CSMD1: variants seen among roughly 807,000 people sequenced by gnomAD.
CSMD1 encodes CUB and Sushi multiple domains 1.
CSMD1 carries 213 observed loss-of-function variants against 417.5 expected under a neutral mutation model. That is an observed-to-expected ratio of 0.51 (90% CI 0.46 to 0.57). The LOEUF (loss-of-function observed/expected upper bound fraction) is 0.57. Ranked by LOEUF, CSMD1 falls within the 20% of genes least tolerant of loss-of-function variation. The probability of loss-of-function intolerance (pLI) is 0.00; values close to 1 mark genes in which losing one functional copy is unlikely to be tolerated. For missense variants in CSMD1, 6,923 were observed against 4,529.7 expected (o/e 1.53, Z -15.17); for synonymous variants, 2,862 against 1,736.8 (o/e 1.65, Z -16.11).
chr8:3,340,009 G>A (rs373098037), intron 23 of CSMD1, among the ~76,000 whole-genome samples: 1 of 152,168 alleles, frequency 6.6e-6, no homozygotes, highest in East Asian at 1.9e-4. Context: ...ATTCAGCAAC[G>A]TATTTATTCC....
At chr8:4,154,530 A>G (rs527351938) in intron 3 of CSMD1, among the ~76,000 whole-genome samples, 1 of 152,332 alleles carries the variant, frequency 6.6e-6, no homozygotes, top group Admixed American at 6.5e-5. Flanking sequence ...GTGGAGAAAG[A>G]GCAGAAGCCA....
At chr8:4,461,728 T>C (rs1799835051) in intron 2 of CSMD1, among the ~76,000 whole-genome samples, 1 of 133,634 alleles carries the variant, frequency 7.5e-6, no homozygotes. Flanking sequence ...TCTTATTTAT[T>C]ATTTATTTAC....
chr8:3,998,526 T>A (rs1346929961), intron 4 of CSMD1, among the ~76,000 whole-genome samples: 2 of 152,224 alleles, frequency 1.3e-5, no homozygotes, highest in Non-Finnish European at 2.9e-5. Flanking sequence ...AATACTGTGC[T>A]CTTAAAAGAA....
intron 10 of CSMD1, among the ~76,000 whole-genome samples, chr8:3,507,406 G>A (rs1038960479): frequency 2.0e-5 from 3 of 152,270 alleles, no homozygotes; most frequent in Non-Finnish European, 4.4e-5. Context: ...GTCTATCATT[G>A]TTGGACATTT....
At chr8:4,396,517 C>G (rs758049360) in intron 3 of CSMD1, among the ~76,000 whole-genome samples, 3 of 151,942 alleles carry the variant, frequency 2.0e-5, no homozygotes, top group African/African-American at 7.3e-5. Flanking sequence ...CAAAAGCATA[C>G]GAAGAAGATA....
chr8:3,306,498 C>A (rs371034254), intron 25 of CSMD1, among the ~76,000 whole-genome samples: 2 of 152,018 alleles, frequency 1.3e-5, no homozygotes, highest in Admixed American at 6.6e-5. Context: ...TTCAGCTTCA[C>A]GTATGTGTAG....
At position 4,502,929 on chromosome 8, in the gene CSMD1, C is replaced by G. The variant is rs1802331198; in HGVS notation, c.303-82864G>C. ...TTCTGGTGTCTTTTAAATTATATGT[C>G]TGTTTGGTCTCTCTGTCTCTAAATG... On this transcript the variant is annotated intron_variant, in intron 2 of 69. Coordinates refer to ENST00000635120, the MANE Select transcript of CSMD1 (RefSeq NM_033225.6). Among the ~76,000 whole-genome samples, 3 of 152,102 alleles carry G rather than the reference C, an allele frequency of 2.0e-5. No homozygotes were observed. The South Asian group carries it at 6.2e-4, about 32-fold the overall frequency.
chr8:4,130,863 G>C (rs981408491), intron 3 of CSMD1, among the ~76,000 whole-genome samples: 1 of 147,006 alleles, frequency 6.8e-6, no homozygotes, highest in Admixed American at 6.6e-5. Context: ...ATTTAACTTA[G>C]AAAGAGTGTT....
chr8:4,221,639 C>T (rs944298406), intron 3 of CSMD1, among the ~76,000 whole-genome samples: 5 of 152,124 alleles, frequency 3.3e-5, no homozygotes, highest in Admixed American at 2.0e-4. Context: ...ATTTCACATC[C>T]CCTGACACCA....
At chr8:4,041,183 A>AT (rs546398315) in intron 3 of CSMD1, among the ~76,000 whole-genome samples, 5 of 151,308 alleles carry the variant, frequency 3.3e-5, no homozygotes, top group African/African-American at 4.8e-5. Context: ...CGCCCGGCTA[A>AT]TTTTTTTGTA....
chr8:3,848,425 G>C (rs1462629107), intron 5 of CSMD1, among the ~76,000 whole-genome samples: 3 of 152,098 alleles, frequency 2.0e-5, no homozygotes, highest in African/African-American at 7.2e-5. Context: ...AACACAATTA[G>C]GAGTTATTTC....
At chr8:3,974,009 C>G (rs1228853632) in intron 5 of CSMD1, among the ~76,000 whole-genome samples, 5 of 152,148 alleles carry the variant, frequency 3.3e-5, no homozygotes, top group African/African-American at 7.2e-5. Flanking sequence ...CAATTACACT[C>G]TTTAAGTTAC....
rs1289190781 is a variant in CSMD1, at chr8:3,835,163, T to C, written c.819-81121A>G. On this transcript the variant is annotated intron_variant, in intron 5 of 69. Coordinates refer to ENST00000635120, the MANE Select transcript of CSMD1 (RefSeq NM_033225.6). ...ACCATTGTGGAAGTCAGTGTGGCGA[T>C]TCCTCAGGGATCTAGAACTAGAAAT... Among the ~76,000 whole-genome samples, 5 of 148,044 alleles carry C rather than the reference T, an allele frequency of 3.4e-5. No individual in the cohort carries two copies. The East Asian group carries it at 7.8e-4, about 23-fold the overall frequency.
intron 1 of CSMD1, among the ~76,000 whole-genome samples, chr8:4,961,049 G>A (rs77241623): frequency 1.3e-5 from 2 of 151,930 alleles, no homozygotes; most frequent in East Asian, 1.9e-4. Context: ...CTCACCCTAC[G>A]AAATAGTCAC....
Position 4,337,673 on chromosome 8 carries a change from A to G in CSMD1, c.415+82280T>C, listed in dbSNP as rs539875529. 2.0e-3 allele frequency among the ~76,000 whole-genome samples: 307 copies of G among 152,198 alleles called. 1 individual carries two copies. The highest frequency in any genetic ancestry group is 7.1e-3 in the African/African-American group (293 of 41,542). ...TTACAGCAGATTATTCTCACAGACA[A>G]TTTTTTCTTTAAGCATGCCAACTTT... On this transcript the variant is annotated intron_variant, in intron 3 of 69. Transcript: ENST00000635120.
intron 3 of CSMD1, among the ~76,000 whole-genome samples, chr8:4,259,336 C>T (rs1452203439): frequency 1.3e-5 from 2 of 152,120 alleles, no homozygotes; most frequent in Non-Finnish European, 2.9e-5. Context: ...AGGAAAATCA[C>T]AGCCTGAGAA....
chr8:4,933,843 C>G (rs1327604652), intron 1 of CSMD1, among the ~76,000 whole-genome samples: 1 of 152,068 alleles, frequency 6.6e-6, no homozygotes, highest in Non-Finnish European at 1.5e-5. Flanking sequence ...AAAATTTGTA[C>G]TATAGATATT....
At chr8:4,195,887 A>T (rs1799311494) in intron 3 of CSMD1, among the ~76,000 whole-genome samples, 1 of 152,130 alleles carries the variant, frequency 6.6e-6, no homozygotes. Flanking sequence ...CAGAGGACTC[A>T]GCACAGTCCC....
chr8:4,496,891 A>G (rs557736494), intron 2 of CSMD1, among the ~76,000 whole-genome samples: 1 of 152,276 alleles, frequency 6.6e-6, no homozygotes, highest in South Asian at 2.1e-4. Flanking sequence ...GGCTTTCCAG[A>G]CCATTTAATG....
Sources: allele counts gnomAD v4.1 joint callset (sites outside exome capture counted in the v4.1 genomes callset), GRCh38; gene constraint gnomAD v4.1.1; transcripts MANE v1.5; gene names NCBI Gene and HGNC (gene_info 2026-07-23, HGNC 2026-07-21).